The following KANSL3 variants were observed in gnomAD, a reference collection of about 807,000 sequenced individuals.
KANSL3 encodes KAT8 regulatory NSL complex subunit 3.
In KANSL3, 16 loss-of-function variants were observed where a neutral mutation model predicts 89.2. The observed-to-expected ratio is 0.18, with a 90% confidence interval of 0.12 to 0.27. The LOEUF (loss-of-function observed/expected upper bound fraction) is 0.27, where lower values mean the gene tolerates loss of function less well. Among genes scored for constraint, KANSL3 ranks in the 10% least tolerant of loss-of-function variants. The pLI is 1.00. For missense variants in KANSL3, 879 were observed against 1,110.6 expected (o/e 0.79, Z 2.96); for synonymous variants, 385 against 419.7 (o/e 0.92, Z 1.01).
rs1353780277 is a variant in KANSL3, at chr2:96,619,681, G to A, written c.468C>T (p.Ala156=). The A allele has an allele frequency of 6.4e-7, 1 of 1,567,758 alleles. No individual in the cohort carries two copies. The highest frequency in any genetic ancestry group is 8.6e-7 in the Non-Finnish European group (1 of 1,156,760). ...ATTGCTGGTGTCTTACCCCTTCGTT[G>A]GCCAAGCGGGCAAGCCGGTCAGACT... The part of the protein sequence containing the change: ...ALQSDRLARL[A]NEGACNEPVL... The change falls in exon 4 of 21, where the codon GCC becomes GCT. Residue 156 remains alanine (A), a synonymous_variant. Coordinates refer to ENST00000431828, the MANE Select transcript of KANSL3 (RefSeq NM_001115016.3).
At position 96,602,235 on chromosome 2, in the gene KANSL3, G is replaced by A. The variant is rs760194366; in HGVS notation, c.2363C>T (p.Ser788Phe). The change falls in exon 19 of 21, where the codon TCC becomes TTC. Residue 788 changes from serine to phenylalanine, a missense_variant. By Grantham distance (155) the Ser-to-Phe change is radical. Transcript: ENST00000431828. ...CTTCCCACCAGGAGTGGCACCCAAG[G>A]AGGAGAGAGTGGTGGCCACAGGAAT... Reference protein sequence around the residue: ...RTIPVATTLSSLGATPGGKPT... With the variant: ...RTIPVATTLSFLGATPGGKPT... 64 of 1,611,552 alleles carry A rather than the reference G, an allele frequency of 4.0e-5. No homozygotes were observed. Among genetic ancestry groups the A allele is most frequent in the Non-Finnish European group, 5.3e-5 (62 of 1,179,050 alleles).
intron 2 of KANSL3, among the ~76,000 whole-genome samples, chr2:96,634,371 C>T (rs1300338353): frequency 6.6e-6 from 1 of 152,274 alleles, no homozygotes; most frequent in Non-Finnish European, 1.5e-5. Context: ...AAAATATTAG[C>T]CAGGCATGGT....
chr2:96,629,759 C>G (rs1213829904), intron 3 of KANSL3, among the ~76,000 whole-genome samples: 1 of 152,192 alleles, frequency 6.6e-6, no homozygotes, highest in Non-Finnish European at 1.5e-5. Context: ...TTCCCAACTT[C>G]CAACCAGCTT....
rs771952350 is a variant in KANSL3, at chr2:96,595,608, T to A, written c.*3A>T. The A allele has an allele frequency of 6.2e-7, 1 of 1,613,714 alleles. No individual in the cohort carries two copies. The highest frequency in any genetic ancestry group is 1.1e-5 in the South Asian group (1 of 91,002). ...GGTAAGGAGGACATATCACACAGCA[T>A]CTTCAGGGTGCTGGAGGCAGGCGCT... On this transcript the variant is annotated 3_prime_UTR_variant, in exon 21 of 21. Transcript: ENST00000431828.
rs894746613 is a variant in KANSL3, at chr2:96,601,740, C to T, written c.2519G>A (p.Arg840His). 9.4e-6 allele frequency: 15 copies of T among 1,593,270 alleles called. No homozygotes were observed. The highest frequency in any genetic ancestry group is 2.2e-5 in the East Asian group (1 of 44,586). Residue 840 changes from arginine to histidine, a missense_variant, in exon 20 of 21, where the codon CGT becomes CAT. By Grantham distance (29) the Arg-to-His change is conservative. Coordinates refer to ENST00000431828, the MANE Select transcript of KANSL3 (RefSeq NM_001115016.3). The stretch of plus-strand genomic sequence containing the variant: ...TGTAGTGATCCTGCTCGGCTGGCCA[C>T]GAAGTGTCAGAGTAATGGTGGTGGG... ...KVPTTITLTL[R>H]GQPSRITTLS... is the part of the protein sequence containing the mutation.
intron 5 of KANSL3, among the ~76,000 whole-genome samples, chr2:96,616,954 A>G (rs1270549632): frequency 6.6e-6 from 1 of 152,232 alleles, no homozygotes; most frequent in Admixed American, 6.5e-5. Flanking sequence ...CAGTGAGTGA[A>G]GCAGGGTCAC....
At chr2:96,621,842 G>A (rs988627116) in intron 3 of KANSL3, among the ~76,000 whole-genome samples, 4 of 152,174 alleles carry the variant, frequency 2.6e-5, no homozygotes, top group African/African-American at 7.2e-5. Flanking sequence ...CAGGCTGGGC[G>A]TGGTGGCTCA....
Position 96,606,659 on chromosome 2 carries a change from A to G in KANSL3, c.1742-1148T>C. ...GGACAGGAGGCAGGGAGAAAAACAC[A>G]CAAGGAAACTGAGACTCAGGCAATG... On this transcript the variant is annotated intron_variant, in intron 14 of 20. Transcript: ENST00000431828. 2 of 233,566 alleles carry G rather than the reference A, an allele frequency of 8.6e-6. 1 individual carries two copies. Among genetic ancestry groups the G allele is most frequent in the South Asian group, 9.7e-5 (2 of 20,584 alleles). 14.5% of individuals were successfully genotyped at this position (233,566 alleles called of 1,614,324 possible).
chr2:96,600,726 G>C (rs2067057969), intron 20 of KANSL3: 1 of 985,394 alleles, frequency 1.0e-6, no homozygotes, highest in Non-Finnish European at 1.2e-6. Context: ...TTTAAGATTA[G>C]AAATATTTGA....
chr2:96,596,125 G>A (rs552313525), intron 20 of KANSL3, among the ~76,000 whole-genome samples: 1 of 152,196 alleles, frequency 6.6e-6, no homozygotes, highest in African/African-American at 2.4e-5. Flanking sequence ...ATGTAGGTGT[G>A]GGGGGATGCC....
downstream of KANSL3, among the ~76,000 whole-genome samples, chr2:96,591,454 T>C (rs1483975820): frequency 2.0e-5 from 3 of 152,194 alleles, no homozygotes; most frequent in African/African-American, 7.2e-5. Flanking sequence ...TACACACACA[T>C]TGTACCAACT....
chr2:96,604,460 G>C (rs1157282789), intron 16 of KANSL3, 80 bp from the exon 17 acceptor site: 1 of 1,517,406 alleles, frequency 6.6e-7, no homozygotes, highest in African/African-American at 1.4e-5. Context: ...GTACAGAGTG[G>C]GGCCCAGCAA....
chr2:96,614,808 A>G (rs1488449676), intron 5 of KANSL3, among the ~76,000 whole-genome samples: 3 of 151,442 alleles, frequency 2.0e-5, no homozygotes, highest in Non-Finnish European at 4.4e-5. Context: ...AAAGAAAAAA[A>G]GAAAAAAATT....
At chr2:96,596,376 G>C (rs2066532826) in intron 20 of KANSL3, among the ~76,000 whole-genome samples, 1 of 152,212 alleles carries the variant, frequency 6.6e-6, no homozygotes, top group Non-Finnish European at 1.5e-5. Context: ...GGGCAACTTA[G>C]CCCATCTCTA....
intron 5 of KANSL3, among the ~76,000 whole-genome samples, chr2:96,618,675 G>C (rs1403501332): frequency 6.6e-6 from 1 of 152,176 alleles, no homozygotes; most frequent in African/African-American, 2.4e-5. Context: ...ATCCTAGATA[G>C]CTATTATTAT....
intron 5 of KANSL3, 90 bp from the exon 6 acceptor site, chr2:96,613,709 T>G: frequency 2.3e-6 from 3 of 1,277,924 alleles, no homozygotes; most frequent in South Asian, 2.6e-5. Flanking sequence ...AGCCCCACTA[T>G]AAGCCATAGA....
rs1298070835 is a variant in KANSL3 at position 96,602,404 on chromosome 2, G to C, written c.2260-66C>G. The C allele has an allele frequency of 6.7e-6, 8 of 1,189,650 alleles. No homozygotes were observed. The East Asian group carries it at 2.0e-4, about 30-fold the overall frequency. 73.7% of individuals were successfully genotyped at this position (1,189,650 alleles called of 1,614,324 possible). On this transcript the variant is annotated intron_variant, in intron 18 of 20. Coordinates refer to ENST00000431828, the MANE Select transcript of KANSL3 (RefSeq NM_001115016.3). The stretch of plus-strand genomic sequence containing the variant: ...CAACAGCAACATTCGAGCTTGGAGG[G>C]CCCACAGCATATTATTAAAGGCTAA...
At chr2:96,585,747 T>A in the KANSL3 span, among the ~76,000 whole-genome samples, 3 of 151,552 alleles carry the variant, frequency 2.0e-5, no homozygotes, top group Non-Finnish European at 2.9e-5. Context: ...AAAAAAAAAA[T>A]GTGGTATATA....
At position 96,612,920 on chromosome 2, in the gene KANSL3, G is replaced by A; in HGVS notation, c.810C>T (p.Gly270=). 1 of 1,561,540 alleles carries A rather than the reference G, an allele frequency of 6.4e-7. No individual in the cohort carries two copies. The highest frequency in any genetic ancestry group is 8.7e-7 in the Non-Finnish European group (1 of 1,152,642). The change falls in exon 7 of 21, where the codon GGC becomes GGT. Residue 270 remains glycine (G), a synonymous_variant. Transcript: ENST00000431828. The stretch of plus-strand genomic sequence containing the variant: ...AGGAGGCGATGAGAATCAGCGGAGA[G>A]CCAGGGAGTTTGCTCTAAAGAGGAA... ...LSHNKPSKLP[G]SPLILIASSG...
Sources: allele counts gnomAD v4.1 joint callset (sites outside exome capture counted in the v4.1 genomes callset), GRCh38; gene constraint gnomAD v4.1.1; transcripts MANE v1.5; gene names NCBI Gene and HGNC (gene_info 2026-07-23, HGNC 2026-07-21).